Variants in NUBPL observed in about 807,000 individuals in gnomAD.
NUBPL encodes NUBP iron-sulfur cluster assembly factor, mitochondrial.
A neutral mutation model predicts 45.7 loss-of-function variants in NUBPL; 31 were observed. The observed-to-expected ratio is 0.68, with a 90% CI of 0.51 to 0.92. NUBPL has a LOEUF of 0.92. Among genes scored for constraint, NUBPL ranks in the 40% least tolerant of loss-of-function variants. NUBPL has a pLI of 0.00. For missense variants in NUBPL, 401 were observed against 398.7 expected (o/e 1.01, Z -0.05); for synonymous variants, 144 against 140.9 (o/e 1.02, Z -0.15).
chr14:31,737,798 T>G lies in NUBPL; in HGVS notation c.514-49982T>G, dbSNP rs900639611. 3.9e-5 allele frequency among the ~76,000 whole-genome samples: 6 copies of G among 152,214 alleles called. No homozygotes were observed. The East Asian group carries it at 9.7e-4, about 24-fold the overall frequency. On this transcript the variant is annotated intron_variant, in intron 6 of 10. Coordinates refer to ENST00000281081, the MANE Select transcript of NUBPL (RefSeq NM_025152.3). ...GACTCTGTCTCATAATAATAATAAATTAATTATTTCTGTTCATGGTAGTCG... is the reference window on the plus strand; with the variant it reads ...GACTCTGTCTCATAATAATAATAAAGTAATTATTTCTGTTCATGGTAGTCG...
At position 31,608,161 on chromosome 14, in the gene NUBPL, A is replaced by G. The variant is rs143449310; in HGVS notation, c.382+8782A>G. ...CTGGTGAAAATATCCTTCAAGCATC[A>G]AGAAGAAATAAAGACTTTCCCAGAC... On this transcript the variant is annotated intron_variant, in intron 4 of 10. Coordinates refer to ENST00000281081, the MANE Select transcript of NUBPL (RefSeq NM_025152.3). 2.9e-3 allele frequency among the ~76,000 whole-genome samples: 443 copies of G among 152,342 alleles called. 1 individual carries two copies. In the Middle Eastern group the frequency reaches 0.031, roughly 11 times the overall value.
chr14:31,716,065 G>A (rs949867359), intron 6 of NUBPL, among the ~76,000 whole-genome samples: 1 of 151,326 alleles, frequency 6.6e-6, no homozygotes, highest in African/African-American at 2.4e-5. Flanking sequence ...TATTAGGCTA[G>A]GCCTACATGG....
chr14:31,798,235 G>C (rs1382061688), intron 7 of NUBPL, among the ~76,000 whole-genome samples: 3 of 151,366 alleles, frequency 2.0e-5, no homozygotes, highest in Non-Finnish European at 4.4e-5. Context: ...CATTTTTCAA[G>C]GAAACGTGCA....
At chr14:31,747,192 GT>G (rs2038419792) in intron 6 of NUBPL, among the ~76,000 whole-genome samples, 1 of 144,046 alleles carries the variant, frequency 6.9e-6, no homozygotes, top group East Asian at 2.0e-4. Flanking sequence ...CTGGAGTGCA[GT>G]GGCACGATCT....
intron 6 of NUBPL, among the ~76,000 whole-genome samples, chr14:31,676,790 G>T: frequency 6.6e-6 from 1 of 150,390 alleles, no homozygotes; most frequent in African/African-American, 2.4e-5. Flanking sequence ...TTATTTTTTA[G>T]TAATTGAGTT....
At chr14:31,701,929 T>G (rs2037349193) in intron 6 of NUBPL, among the ~76,000 whole-genome samples, 1 of 152,174 alleles carries the variant, frequency 6.6e-6, no homozygotes, top group Admixed American at 6.5e-5. Flanking sequence ...GAGAACCCTT[T>G]GCAATATGTG....
At chr14:31,651,742 CA>C in intron 4 of NUBPL, among the ~76,000 whole-genome samples, 1 of 151,494 alleles carries the variant, frequency 6.6e-6, no homozygotes, top group African/African-American at 2.4e-5. Context: ...ACTAAAAATA[CA>C]AAAAAATTAG....
At chr14:31,654,863 G>A (rs991935119) in intron 4 of NUBPL, among the ~76,000 whole-genome samples, 4 of 152,178 alleles carry the variant, frequency 2.6e-5, no homozygotes, top group African/African-American at 9.7e-5. Flanking sequence ...CTCAAGCCCT[G>A]TCACTGCTTT....
chr14:31,694,555 G>A (rs375050883), intron 6 of NUBPL, among the ~76,000 whole-genome samples: 22 of 152,200 alleles, frequency 1.4e-4, no homozygotes, highest in African/African-American at 4.8e-4. Context: ...TTGCTCTGTC[G>A]CCCAGGCAGG....
rs568349674 is a variant in NUBPL, at chr14:31,746,495, C to A, written c.514-41285C>A. ...CAATGTGATGTGTCACAATTTGATACAAATGGTAAACCATCCTTGCATTCC... is the reference window on the plus strand; with the variant it reads ...CAATGTGATGTGTCACAATTTGATAAAAATGGTAAACCATCCTTGCATTCC... On this transcript the variant is annotated intron_variant, in intron 6 of 10. Transcript: ENST00000281081. Among the ~76,000 whole-genome samples, 40 of 152,088 alleles carry A rather than the reference C, an allele frequency of 2.6e-4. 2 individuals are homozygous for A. Among genetic ancestry groups the A allele is most frequent in the Middle Eastern group, 3.4e-3 (1 of 294 alleles).
intron 6 of NUBPL, among the ~76,000 whole-genome samples, chr14:31,717,743 C>A (rs1353264446): frequency 2.6e-5 from 4 of 151,384 alleles, no homozygotes; most frequent in Non-Finnish European, 4.4e-5. Flanking sequence ...ACTCAAGAAT[C>A]GATTTTGTGT....
At chr14:31,565,339 C>T (rs2033408822) in intron 3 of NUBPL, among the ~76,000 whole-genome samples, 1 of 152,048 alleles carries the variant, frequency 6.6e-6, no homozygotes, top group Non-Finnish European at 1.5e-5. Context: ...ATTCTGGGTT[C>T]AGTTTTTAAG....
At chr14:31,572,930 CAAAG>C (rs1270583012) in intron 3 of NUBPL, among the ~76,000 whole-genome samples, 1 of 152,118 alleles carries the variant, frequency 6.6e-6, no homozygotes, top group Non-Finnish European at 1.5e-5. Flanking sequence ...TGTATCTAAA[CAAAG>C]AAAAGATACA....
At chr14:31,833,486 A>G (rs1413207243) in intron 8 of NUBPL, among the ~76,000 whole-genome samples, 3 of 152,288 alleles carry the variant, frequency 2.0e-5, no homozygotes, top group East Asian at 1.9e-4. Flanking sequence ...TTAAGTTGCT[A>G]TATTATTTTG....
intron 4 of NUBPL, among the ~76,000 whole-genome samples, chr14:31,657,821 C>G (rs1351634643): frequency 6.6e-6 from 1 of 152,106 alleles, no homozygotes; most frequent in Non-Finnish European, 1.5e-5. Context: ...ATTCCTTGTA[C>G]TTGTAGCTTA....
At chr14:31,585,722 G>T (rs79083186) in intron 3 of NUBPL, among the ~76,000 whole-genome samples, 5,680 of 152,126 alleles carry the variant, frequency 0.037, 135 homozygotes, top group Admixed American at 0.062. Context: ...CTGTCTTTTT[G>T]ATTATAGTCA....
intron 6 of NUBPL, among the ~76,000 whole-genome samples, chr14:31,710,664 GC>G (rs992151821): frequency 6.6e-6 from 1 of 152,146 alleles, no homozygotes; most frequent in South Asian, 2.1e-4. Flanking sequence ...AAGATGTTAT[GC>G]CCCCAGAATG....
In NUBPL at chr14:31,808,159, GAA is replaced by G. The variant is rs1292636933; in HGVS notation, c.608-18468_608-18467del. ...AAGTAGTTTTTTCCAGTTCTGTGAA[GAA>G]AGTCATTGGTAGCTTGATGGGGATG... On this transcript the variant is annotated intron_variant, in intron 7 of 10. Coordinates refer to ENST00000281081, the MANE Select transcript of NUBPL (RefSeq NM_025152.3). Among the ~76,000 whole-genome samples, 16 of 152,182 alleles carry G rather than the reference GAA, an allele frequency of 1.1e-4. No homozygotes were observed. The East Asian group carries it at 3.1e-3, about 29-fold the overall frequency.
chr14:31,768,075 A>T (rs1207741128), intron 6 of NUBPL, among the ~76,000 whole-genome samples: 2 of 152,204 alleles, frequency 1.3e-5, no homozygotes, highest in Non-Finnish European at 2.9e-5. Flanking sequence ...TCAGTCTTCC[A>T]ATTACCTGTT....
Sources: gnomAD v4.1 joint callset for allele counts (sites outside exome capture counted in the v4.1 genomes callset) on GRCh38, gnomAD v4.1.1 for gene constraint, MANE v1.5 for transcripts, NCBI Gene and HGNC (gene_info 2026-07-23, HGNC 2026-07-21) for gene names.